SPAG16: variants seen among roughly 807,000 people sequenced by gnomAD.
The protein encoded by SPAG16 is sperm associated antigen 16, also known as sperm-associated antigen 16 protein.
SPAG16 carries 86 observed loss-of-function variants against 80.4 expected under a neutral mutation model. The observed-to-expected ratio is 1.07, with a 90% CI of 0.90 to 1.28. SPAG16 has a LOEUF of 1.28. SPAG16 is among the 50% of genes most tolerant of loss of function. SPAG16 has a pLI of 0.00. For synonymous variants in SPAG16, 294 were observed against 265.9 expected, an observed-to-expected ratio of 1.11 and a Z score of -1.03; for missense variants, 870 against 765.3, an observed-to-expected ratio of 1.14 and a Z score of -1.61.
At chr2:213,335,051 C>T (rs1295997533) in intron 5 of SPAG16, among the ~76,000 whole-genome samples, 5 of 152,000 alleles carry the variant, frequency 3.3e-5, no homozygotes, top group Non-Finnish European at 5.9e-5. Flanking sequence ...TCATATACTC[C>T]ATGAATATAT....
chr2:213,752,776 G>A (rs1366003536), intron 10 of SPAG16, among the ~76,000 whole-genome samples: 15 of 152,160 alleles, frequency 9.9e-5, no homozygotes, highest in Admixed American at 9.8e-4. Flanking sequence ...TTCCGGTGTG[G>A]TGGGGGAGTT....
chr2:214,393,908 C>A (rs1387769728), intron 15 of SPAG16, among the ~76,000 whole-genome samples: 1 of 152,110 alleles, frequency 6.6e-6, no homozygotes, highest in Non-Finnish European at 1.5e-5. Flanking sequence ...AAAATGGAAT[C>A]TTTCTCCAGT....
intron 10 of SPAG16, among the ~76,000 whole-genome samples, chr2:213,617,089 T>C (rs1350849137): frequency 3.9e-5 from 6 of 152,078 alleles, no homozygotes; most frequent in Non-Finnish European, 1.5e-5. Flanking sequence ...AGGGAAAAGA[T>C]AAGTCCAAAA....
chr2:214,288,514 A>G (rs566717313), intron 15 of SPAG16, among the ~76,000 whole-genome samples: 1 of 152,020 alleles, frequency 6.6e-6, no homozygotes, highest in Non-Finnish European at 1.5e-5. Context: ...TCTGTCTTCT[A>G]TAGTGGTTAT....
intron 15 of SPAG16, among the ~76,000 whole-genome samples, chr2:214,399,308 C>T (rs2126141556): frequency 6.6e-6 from 1 of 152,220 alleles, no homozygotes; most frequent in Admixed American, 6.5e-5. Flanking sequence ...TCTTTTATCA[C>T]ATATTTGCAT....
At chr2:213,960,298 C>A (rs1217064043) in intron 12 of SPAG16, among the ~76,000 whole-genome samples, 1 of 151,844 alleles carries the variant, frequency 6.6e-6, no homozygotes, top group Non-Finnish European at 1.5e-5. Context: ...TCCACTTCTT[C>A]TTTTAGTTAT....
intron 11 of SPAG16, among the ~76,000 whole-genome samples, chr2:213,869,254 A>AC (rs1491220792): frequency 6.8e-4 from 8 of 11,724 alleles, no homozygotes; most frequent in Middle Eastern, 0.031. Context: ...AGTCCATGTC[A>AC]AAAAAAAAAA....
chr2:214,126,634 TGA>T (rs1179389406), intron 14 of SPAG16, among the ~76,000 whole-genome samples: 2 of 151,828 alleles, frequency 1.3e-5, no homozygotes, highest in Non-Finnish European at 1.5e-5. Context: ...GTTATTGCAG[TGA>T]GCACTATATT....
chr2:213,631,557 A>G (rs965162647), intron 10 of SPAG16, among the ~76,000 whole-genome samples: 7 of 152,184 alleles, frequency 4.6e-5, no homozygotes, highest in Admixed American at 3.9e-4. Context: ...TGCTGTTCTC[A>G]TGATGGAGTT....
At chr2:213,372,765 C>G (rs1213332669) in intron 8 of SPAG16, among the ~76,000 whole-genome samples, 2 of 152,012 alleles carry the variant, frequency 1.3e-5, no homozygotes, top group Non-Finnish European at 2.9e-5. Context: ...AAAAAATTCT[C>G]TTTTCAGTTT....
intron 7 of SPAG16, among the ~76,000 whole-genome samples, chr2:213,363,653 G>A (rs534677884): frequency 1.3e-3 from 199 of 151,842 alleles, no homozygotes; most frequent in Non-Finnish European, 2.4e-3. Flanking sequence ...AAGAGTTGGG[G>A]GAATAAAAAC....
intron 15 of SPAG16, among the ~76,000 whole-genome samples, chr2:214,326,677 G>C (rs1271067866): frequency 6.6e-6 from 1 of 151,988 alleles, no homozygotes; most frequent in Non-Finnish European, 1.5e-5. Flanking sequence ...CGGGCGCGGT[G>C]GCTCACGCCT....
At chr2:214,324,981 A>G (rs1696372615) in intron 15 of SPAG16, among the ~76,000 whole-genome samples, 1 of 152,230 alleles carries the variant, frequency 6.6e-6, no homozygotes, top group Non-Finnish European at 1.5e-5. Context: ...TATGCAGGAA[A>G]TGACATTTTA....
At chr2:214,233,285 C>T (rs1688829324) in intron 15 of SPAG16, among the ~76,000 whole-genome samples, 1 of 151,656 alleles carries the variant, frequency 6.6e-6, no homozygotes, top group South Asian at 2.1e-4. Context: ...TTTACAATAA[C>T]ACATTAATCT....
intron 10 of SPAG16, among the ~76,000 whole-genome samples, chr2:213,652,799 A>G (rs1442860860): frequency 6.6e-6 from 1 of 152,112 alleles, no homozygotes; most frequent in African/African-American, 2.4e-5. Flanking sequence ...CACACTCTCA[A>G]TCTATAGGTT....
At position 213,581,530 on chromosome 2, in the gene SPAG16, C is replaced by T. The variant is rs112008126; in HGVS notation, c.1070+91440C>T. 1.6e-3 allele frequency among the ~76,000 whole-genome samples: 239 copies of T among 152,112 alleles called. 4 individuals are homozygous for T. Among genetic ancestry groups the T allele is most frequent in the African/African-American group, 4.7e-3 (194 of 41,516 alleles). Reference sequence around the variant, plus strand: ...GCTCCCAGCCCTCTATTTAAAGGCCCTAAATGTTCTTCAGAAAACCACCCT... The same window carrying T: ...GCTCCCAGCCCTCTATTTAAAGGCCTTAAATGTTCTTCAGAAAACCACCCT... On this transcript the variant is annotated intron_variant, in intron 10 of 15. Coordinates refer to ENST00000331683, the MANE Select transcript of SPAG16 (RefSeq NM_024532.5).
chr2:214,195,477 G>T (rs1355901408), intron 15 of SPAG16, among the ~76,000 whole-genome samples: 4 of 152,058 alleles, frequency 2.6e-5, no homozygotes, highest in African/African-American at 4.8e-5. Context: ...TGATGGGGCT[G>T]TAATAGAAGT....
intron 10 of SPAG16, among the ~76,000 whole-genome samples, chr2:213,646,137 G>T (rs1345246040): frequency 6.6e-6 from 1 of 152,188 alleles, no homozygotes; most frequent in Non-Finnish European, 1.5e-5. Flanking sequence ...GGGAGGGGTG[G>T]CATCATGATT....
intron 1 of SPAG16, among the ~76,000 whole-genome samples, chr2:213,292,682 A>ACAACAACAAC (rs368366898): frequency 6.0e-5 from 8 of 134,276 alleles, no homozygotes; most frequent in African/African-American, 8.8e-5. Flanking sequence ...AAAACAAAAA[A>ACAACAACAAC]AACAAAAAAA....
Sources: gnomAD v4.1 joint callset for allele counts (sites outside exome capture counted in the v4.1 genomes callset) on GRCh38, gnomAD v4.1.1 for gene constraint, MANE v1.5 for transcripts, NCBI Gene and HGNC (gene_info 2026-07-23, HGNC 2026-07-21) for gene names.